CIITA: variants seen among roughly 807,000 people sequenced by gnomAD.
The protein encoded by CIITA is MHC class II transactivator.
Under a neutral mutation model 115.1 loss-of-function variants are expected in CIITA, and 72 were observed. That is an observed-to-expected ratio of 0.63 (90% CI 0.52 to 0.76). The LOEUF is 0.76. Ranked by LOEUF, CIITA falls within the 30% of genes least tolerant of loss-of-function variation. The probability of loss-of-function intolerance (pLI) is 0.00; values close to 1 mark genes in which losing one functional copy is unlikely to be tolerated. For synonymous variants in CIITA, 763 were observed against 635.6 expected, an observed-to-expected ratio of 1.20 and a Z score of -3.02; for missense variants, 1,617 against 1,463.8, an observed-to-expected ratio of 1.10 and a Z score of -1.71.
At position 10,903,716 on chromosome 16, in the gene CIITA, C is replaced by G. The variant is rs1038006387; in HGVS notation, c.773-15C>G. On this transcript the variant is annotated splice_polypyrimidine_tract_variant and intron_variant, in intron 8 of 19. Transcript: ENST00000324288. ...TACCTGGTTATTCTCACACCACTCT[C>G]CACCCCCAATGTAGGTGAGGTGCCC... 1.2e-6 allele frequency: 2 copies of G among 1,613,986 alleles called. No individual in the cohort carries two copies. The highest frequency in any genetic ancestry group is 8.5e-7 in the Non-Finnish European group (1 of 1,179,874).
intron 1 of CIITA, among the ~76,000 whole-genome samples, chr16:10,884,158 C>T (rs2036698833): frequency 6.6e-6 from 1 of 152,188 alleles, no homozygotes; most frequent in Non-Finnish European, 1.5e-5. Flanking sequence ...CTTTCTTTAA[C>T]CTGCCTCCAA....
Position 10,918,507 on chromosome 16 carries a change from G to A in CIITA, c.3130G>A (p.Ala1044Thr). ...CGCCGAGGCCCTGCCTTCGCTCGCT[G>A]CATCCCTGCTCAGGCTAAGGTGAGT... is the stretch of plus-strand genomic sequence containing the variant. ...KLAEALPSLA[A>T]SLLRLSLYNN... The change falls in exon 16 of 20, where the codon GCA (alanine) becomes ACA (threonine). Residue 1044 changes from alanine (A) to threonine (T), a missense_variant. Ala to Thr is a moderately conservative substitution (Grantham distance 58, BLOSUM62 0). Coordinates refer to ENST00000324288, the MANE Select transcript of CIITA (RefSeq NM_000246.4). The A allele has an allele frequency of 6.2e-7, 1 of 1,614,098 alleles. No homozygotes were observed. Among genetic ancestry groups the A allele is most frequent in the Non-Finnish European group, 8.5e-7 (1 of 1,180,006 alleles).
chr16:10,898,549 C>A (rs1198947434), intron 3 of CIITA, 121 bp from the exon 4 acceptor site: 3 of 639,400 alleles, frequency 4.7e-6, no homozygotes, highest in Non-Finnish European at 2.8e-6. Context: ...ATTCATTCAA[C>A]AAACATTTCT....
In CIITA at chr16:10,926,954, G is replaced by C. The variant is rs1310443184; in HGVS notation, c.*3099G>C. On this transcript the variant is annotated 3_prime_UTR_variant, in exon 20 of 20. Coordinates refer to ENST00000324288, the MANE Select transcript of CIITA (RefSeq NM_000246.4). ...CACTGTGCTAAACTCCTACTCAAGA[G>C]GGATAAGAGTCTAGGGGCAAGTGGC... 1 of 152,244 alleles carries C rather than the reference G, an allele frequency of 6.6e-6. No homozygotes were observed. Among genetic ancestry groups the C allele is most frequent in the East Asian group, 1.9e-4 (1 of 5,202 alleles). The allele number at this position is 152,244 out of a possible 1,614,324, so 9.4% of individuals were successfully genotyped here. A position where few individuals can be genotyped will look rare whatever the true frequency, so the allele number is the denominator to read the frequency against.
chr16:10,866,972 G>A (rs2035114135), intron 1 of CIITA, among the ~76,000 whole-genome samples: 1 of 152,232 alleles, frequency 6.6e-6, no homozygotes, highest in Admixed American at 6.5e-5. Flanking sequence ...GGGGCCGGGT[G>A]CACTGGCTCA....
intron 10 of CIITA, 118 bp downstream of exon 10, chr16:10,904,930 T>G (rs2039035945): frequency 1.7e-5 from 17 of 1,016,664 alleles, no homozygotes; most frequent in Non-Finnish European, 2.0e-5. Context: ...CACACACTCA[T>G]TTATTTATTC....
intron 1 of CIITA, among the ~76,000 whole-genome samples, chr16:10,891,202 A>C (rs1273768700): frequency 1.3e-5 from 2 of 151,090 alleles, no homozygotes; most frequent in African/African-American, 4.9e-5. Flanking sequence ...GAGCCCAGAC[A>C]GGACAAGGGT....
chr16:10,897,916 C>T (rs2038299187), intron 3 of CIITA, among the ~76,000 whole-genome samples: 1 of 152,114 alleles, frequency 6.6e-6, no homozygotes, highest in African/African-American at 2.4e-5. Context: ...TCCTAACTTT[C>T]CCCAGCATGA....
At position 10,926,695 on chromosome 16, in the gene CIITA, C is replaced by CA. The variant is rs1171196550; in HGVS notation, c.*2841dup. The CA allele has an allele frequency of 6.6e-6, 1 of 152,154 alleles. No individual in the cohort carries two copies. Among genetic ancestry groups the CA allele is most frequent in the Non-Finnish European group, 1.5e-5 (1 of 68,048 alleles). 9.4% of individuals were successfully genotyped at this position (152,154 alleles called of 1,614,324 possible). On this transcript the variant is annotated 3_prime_UTR_variant, in exon 20 of 20. Transcript: ENST00000324288. ...AGCTGGGATTACAGGCATGCACCAC[C>CA]ACGCCTGGCTAATTTTTGTATTTTT... is the stretch of plus-strand genomic sequence containing the variant.
intron 16 of CIITA, among the ~76,000 whole-genome samples, chr16:10,921,690 C>G (rs948273614): frequency 6.6e-6 from 1 of 152,208 alleles, no homozygotes; most frequent in African/African-American, 2.4e-5. Context: ...AGTTTCCACA[C>G]AGTAAGGCAA....
intron 10 of CIITA, 109 bp from the exon 11 acceptor site, chr16:10,906,390 C>A (rs968340626): frequency 6.1e-6 from 8 of 1,308,106 alleles, no homozygotes; most frequent in Non-Finnish European, 8.6e-6. Context: ...AACAAAAAAA[C>A]TGTGTGGGGA....
rs7203541 is a variant in CIITA at position 10,884,309 on chromosome 16, G to A, written c.52+6927G>A. 5.1e-3 allele frequency among the ~76,000 whole-genome samples: 775 copies of A among 152,272 alleles called. 7 individuals are homozygous for A. Among genetic ancestry groups the A allele is most frequent in the African/African-American group, 0.018 (729 of 41,550 alleles). On this transcript the variant is annotated intron_variant, in intron 1 of 19. Coordinates refer to ENST00000324288, the MANE Select transcript of CIITA (RefSeq NM_000246.4). ...GAGCTGCAATGGAAATCCATTCAAC[G>A]GTGCTGGAATTGGGATGGCAAAAAG...
At chr16:10,891,816 C>T (rs766096870) in intron 1 of CIITA, among the ~76,000 whole-genome samples, 7 of 152,168 alleles carry the variant, frequency 4.6e-5, no homozygotes, top group Non-Finnish European at 7.4e-5. Context: ...GGGCGGTGGC[C>T]CCATCTTTCA....
rs1030632765 is a variant in CIITA, at chr16:10,932,045, T to A, written c.*8190T>A. Reference sequence around the variant, plus strand: ...GGATTTTGATCCAAGCTGGTCCCACTCAGTCCATAGCAGAGAATGAAAGGG... The same window carrying A: ...GGATTTTGATCCAAGCTGGTCCCACACAGTCCATAGCAGAGAATGAAAGGG... On this transcript the variant is annotated 3_prime_UTR_variant, in exon 20 of 20. Coordinates refer to ENST00000324288, the MANE Select transcript of CIITA (RefSeq NM_000246.4). 2 of 152,214 alleles carry A rather than the reference T, an allele frequency of 1.3e-5. No homozygotes were observed. Among genetic ancestry groups the A allele is most frequent in the African/African-American group, 4.8e-5 (2 of 41,448 alleles). 9.4% of individuals were successfully genotyped at this position (152,214 alleles called of 1,614,324 possible).
chr16:10,875,730 T>G (rs2035789104), upstream of CIITA, among the ~76,000 whole-genome samples: 1 of 152,146 alleles, frequency 6.6e-6, no homozygotes, highest in African/African-American at 2.4e-5. Context: ...GGAGTGTATT[T>G]CATGATCATA....
chr16:10,896,372 C>CA (rs947003411), intron 3 of CIITA, among the ~76,000 whole-genome samples: 5 of 152,122 alleles, frequency 3.3e-5, no homozygotes, highest in Middle Eastern at 3.4e-3. Flanking sequence ...TTTTTAACCA[C>CA]AAAAAAAGAA....
At chr16:10,900,346 G>A (rs2038593248) in intron 5 of CIITA, among the ~76,000 whole-genome samples, 2 of 152,122 alleles carry the variant, frequency 1.3e-5, no homozygotes, top group African/African-American at 2.4e-5. Flanking sequence ...TTGAGGGAGA[G>A]GACACGGTCC....
At chr16:10,904,373 C>T (rs1053797939) in intron 9 of CIITA, among the ~76,000 whole-genome samples, 3 of 152,000 alleles carry the variant, frequency 2.0e-5, no homozygotes, top group African/African-American at 7.3e-5. Flanking sequence ...AGGTGTGCAC[C>T]GTCACACCCA....
chr16:10,923,497 G>C lies in CIITA; in HGVS notation c.*22+172G>C, dbSNP rs750205880. ...TCTCCACCCTGGGCTCGGTGGAGCTGTCCTCCAGGCTTTGCGAGCTTGGTC... is the reference window on the plus strand; with the variant it reads ...TCTCCACCCTGGGCTCGGTGGAGCTCTCCTCCAGGCTTTGCGAGCTTGGTC... On this transcript the variant is annotated intron_variant, in intron 19 of 19. Transcript: ENST00000324288. This position sits in a 1 kb window ranked among gnomAD's most constrained non-coding sequence, Gnocchi z 5.2. Among the ~76,000 whole-genome samples, 1 of 152,072 alleles carries C rather than the reference G, an allele frequency of 6.6e-6. No individual in the cohort carries two copies. Among genetic ancestry groups the C allele is most frequent in the Non-Finnish European group, 1.5e-5 (1 of 67,988 alleles).
Sources: allele counts gnomAD v4.1 joint callset (sites outside exome capture counted in the v4.1 genomes callset), GRCh38; gene constraint gnomAD v4.1.1; non-coding constraint Gnocchi (gnomAD v3.1); transcripts MANE v1.5; gene names NCBI Gene and HGNC (gene_info 2026-07-23, HGNC 2026-07-21).